XRN2: variants seen among roughly 807,000 people sequenced by gnomAD.
XRN2 encodes 5'-3' exoribonuclease 2.
Under a neutral mutation model 138.5 loss-of-function variants are expected in XRN2, and 44 were observed. The observed-to-expected ratio is 0.32, with a 90% CI of 0.25 to 0.41. The LOEUF is 0.41. Among genes scored for constraint, XRN2 ranks in the 10% least tolerant of loss-of-function variants. The probability of loss-of-function intolerance (pLI) is 1.00; values close to 1 mark genes in which losing one functional copy is unlikely to be tolerated. For missense variants in XRN2, 937 were observed against 1,169.3 expected (o/e 0.80, Z 2.90); for synonymous variants, 354 against 369.4 (o/e 0.96, Z 0.48).
Position 21,368,519 on chromosome 20 carries a change from C to T in XRN2, c.2513C>T (p.Pro838Leu), listed in dbSNP as rs985640438. Reference protein sequence around the residue: ...TGIYSNAAPPPVTYQGNLYRP... With the variant: ...TGIYSNAAPPLVTYQGNLYRP... ...ATTTACAGCAATGCTGCACCACCAC[C>T]TGTGACTTACCAGGGAAACTTATAC... The change falls in exon 27 of 30, where the codon CCT (proline) becomes CTT (leucine). Residue 838 changes from proline (P) to leucine (L), a missense_variant. Physicochemically the swap from Pro to Leu is moderately conservative, Grantham distance 98. Transcript: ENST00000377191. The T allele has an allele frequency of 1.9e-6, 3 of 1,613,962 alleles. No homozygotes were observed. The highest frequency in any genetic ancestry group is 3.3e-5 in the Admixed American group (2 of 59,998).
In XRN2 at chr20:21,333,629, A is replaced by ATAATCAG; in HGVS notation, c.933+17_933+18insGTAATCA. 6.2e-7 allele frequency: 1 copy of ATAATCAG among 1,613,744 alleles called. No individual in the cohort carries two copies. ...AATGTTCTTCGTGAGGTATGTAGCAATAATCATTGAAATCAGCACTCTAAA... is the reference window on the plus strand; with the variant it reads ...AATGTTCTTCGTGAGGTATGTAGCAATAATCAGTAATCATTGAAATCAGCACTCTAAA... On this transcript the variant is annotated intron_variant, in intron 10 of 29. Coordinates refer to ENST00000377191, the MANE Select transcript of XRN2 (RefSeq NM_012255.5).
At chr20:21,376,295 G>T (rs1456274936) in intron 27 of XRN2, among the ~76,000 whole-genome samples, 1 of 152,160 alleles carries the variant, frequency 6.6e-6, no homozygotes, top group African/African-American at 2.4e-5. Flanking sequence ...GTTTGAGGCT[G>T]CAGTGAGCTA....
intron 26 of XRN2, among the ~76,000 whole-genome samples, chr20:21,368,241 G>A (rs2038724565): frequency 1.3e-5 from 2 of 152,238 alleles, no homozygotes; most frequent in African/African-American, 4.8e-5. Context: ...TATTTAAATG[G>A]TTATCAATTA....
intron 16 of XRN2, 147 bp from the exon 17 acceptor site, chr20:21,346,268 T>C: frequency 1.9e-6 from 2 of 1,040,238 alleles, no homozygotes; most frequent in Non-Finnish European, 2.7e-6. Flanking sequence ...TTAGAAATAG[T>C]TAAATGAATC....
chr20:21,339,375 C>T (rs545154644), intron 14 of XRN2, among the ~76,000 whole-genome samples: 1 of 152,122 alleles, frequency 6.6e-6, no homozygotes, highest in Non-Finnish European at 1.5e-5. Flanking sequence ...TAAAAATGGT[C>T]AATATTTTGT....
At chr20:21,316,143 A>C (rs1053233687) in intron 1 of XRN2, among the ~76,000 whole-genome samples, 1 of 152,040 alleles carries the variant, frequency 6.6e-6, no homozygotes, top group Non-Finnish European at 1.5e-5. Context: ...AATCCCAGCT[A>C]CTCAGGAGGC....
intron 24 of XRN2, among the ~76,000 whole-genome samples, chr20:21,362,781 G>T (rs1457741082): frequency 6.6e-6 from 1 of 152,160 alleles, no homozygotes; most frequent in Non-Finnish European, 1.5e-5. Context: ...TCTGCCTTGA[G>T]ATCTTAAAGC....
intron 1 of XRN2, among the ~76,000 whole-genome samples, chr20:21,314,447 C>G (rs1033528675): frequency 6.6e-6 from 1 of 152,086 alleles, no homozygotes; most frequent in Non-Finnish European, 1.5e-5. Flanking sequence ...TGGGTGTATA[C>G]CTAGGCGTAG....
intron 24 of XRN2, among the ~76,000 whole-genome samples, chr20:21,360,308 C>A (rs975133756): frequency 6.6e-6 from 1 of 152,182 alleles, no homozygotes; most frequent in Non-Finnish European, 1.5e-5. Context: ...ACCCTTTGAC[C>A]TCCGCCTCTT....
chr20:21,351,667 G>A (rs2038511768), intron 20 of XRN2, among the ~76,000 whole-genome samples: 1 of 152,070 alleles, frequency 6.6e-6, no homozygotes, highest in Non-Finnish European at 1.5e-5. Context: ...TACCAAATCC[G>A]ACATCATGAA....
intron 24 of XRN2, among the ~76,000 whole-genome samples, chr20:21,362,810 AT>A (rs2038652632): frequency 6.6e-6 from 1 of 152,190 alleles, no homozygotes; most frequent in African/African-American, 2.4e-5. Flanking sequence ...TATGTATCAG[AT>A]TGTAGGTAGC....
intron 27 of XRN2, among the ~76,000 whole-genome samples, chr20:21,379,572 G>A (rs2038860711): frequency 6.6e-6 from 1 of 152,066 alleles, no homozygotes; most frequent in African/African-American, 2.4e-5. Context: ...GAGTTTATAT[G>A]GAAAAAGAAA....
At chr20:21,374,957 T>C (rs1229441155) in intron 27 of XRN2, among the ~76,000 whole-genome samples, 1 of 151,282 alleles carries the variant, frequency 6.6e-6, no homozygotes. Flanking sequence ...TCAAATTTTT[T>C]AGTTCTGGCT....
In XRN2 at chr20:21,322,972, C is replaced by T. The variant is rs563198362; in HGVS notation, c.76-3307C>T. ...ACTGCCTTTCTAACCTAAGCCTTCA[C>T]ATTCTCTGGGAGCTTCTGTCTCAAG... On this transcript the variant is annotated intron_variant, in intron 1 of 29. Coordinates refer to ENST00000377191, the MANE Select transcript of XRN2 (RefSeq NM_012255.5). 5.3e-5 allele frequency among the ~76,000 whole-genome samples: 8 copies of T among 152,322 alleles called. 1 individual carries two copies. The South Asian group carries it at 1.7e-3, about 32-fold the overall frequency.
At chr20:21,360,463 T>TC (rs1167368070) in intron 24 of XRN2, among the ~76,000 whole-genome samples, 1 of 152,056 alleles carries the variant, frequency 6.6e-6, no homozygotes, top group African/African-American at 2.4e-5. Context: ...GGTTGTTTTT[T>TC]TTTTTTTTCT....
chr20:21,314,597 C>T (rs1476768913), intron 1 of XRN2, among the ~76,000 whole-genome samples: 4 of 152,234 alleles, frequency 2.6e-5, no homozygotes, highest in South Asian at 4.1e-4. Context: ...AGCGATTCTC[C>T]TGCCTCAGTC....
intron 27 of XRN2, among the ~76,000 whole-genome samples, chr20:21,369,465 A>G (rs1600713727): frequency 1.3e-5 from 2 of 152,046 alleles, no homozygotes; most frequent in East Asian, 1.9e-4. Context: ...TGGTAGCTCT[A>G]TACTAATTTA....
intron 20 of XRN2, among the ~76,000 whole-genome samples, 165 bp downstream of exon 20, chr20:21,349,626 C>T (rs983243641): frequency 2.3e-4 from 35 of 152,076 alleles, no homozygotes; most frequent in African/African-American, 8.2e-4. Flanking sequence ...ACCTGTAGTC[C>T]CATCTACTTA....
chr20:21,376,416 A>T (rs2038823518), intron 27 of XRN2, among the ~76,000 whole-genome samples: 1 of 152,134 alleles, frequency 6.6e-6, no homozygotes, highest in South Asian at 2.1e-4. Context: ...TTGTTTTAAG[A>T]TATGATTTTT....
Sources: gnomAD v4.1 joint callset for allele counts (sites outside exome capture counted in the v4.1 genomes callset) on GRCh38, gnomAD v4.1.1 for gene constraint, MANE v1.5 for transcripts, NCBI Gene and HGNC (gene_info 2026-07-23, HGNC 2026-07-21) for gene names.